Variants in CLASP2 observed in about 807,000 individuals in gnomAD.
CLASP2 encodes cytoplasmic linker associated protein 2.
In CLASP2, 47 loss-of-function variants were observed where a neutral mutation model predicts 194.4. The observed-to-expected ratio is 0.24, with a 90% CI of 0.19 to 0.31. The LOEUF (loss-of-function observed/expected upper bound fraction) is 0.31. CLASP2 is among the 10% of genes least tolerant of loss of function. CLASP2 has a pLI of 1.00. For missense variants in CLASP2, 1,445 were observed against 1,823.6 expected (o/e 0.79, Z 3.78); for synonymous variants, 619 against 633.5 (o/e 0.98, Z 0.34).
At chr3:33,637,179 G>A (rs950103422) in intron 8 of CLASP2, among the ~76,000 whole-genome samples, 3 of 152,206 alleles carry the variant, frequency 2.0e-5, no homozygotes, top group Non-Finnish European at 1.5e-5. Context: ...AACTGGCCTA[G>A]ACTCCAAAAA....
At chr3:33,704,298 A>C (rs972413560) in intron 1 of CLASP2, among the ~76,000 whole-genome samples, 6 of 152,316 alleles carry the variant, frequency 3.9e-5, no homozygotes, top group Admixed American at 3.9e-4. Context: ...GGATGCTGAC[A>C]GTGGAGGAGG....
chr3:33,516,124 C>G lies in CLASP2; in HGVS notation c.4009G>C (p.Val1337Leu), dbSNP rs1274073871. Residue 1337 changes from valine to leucine, a missense_variant, in exon 36 of 39, where the codon GTT becomes CTT. Physicochemically the swap from Val to Leu is conservative, Grantham distance 32. Transcript: ENST00000682230. ...EPTIRALALK[V>L]LREILRHQPA... ...TGATGCCTTAGGATTTCTCTTAAAACCTTTAATGCCAAAGCCCTGATTGTA... is the reference window on the plus strand; with the variant it reads ...TGATGCCTTAGGATTTCTCTTAAAAGCTTTAATGCCAAAGCCCTGATTGTA... 1.2e-6 allele frequency: 2 copies of G among 1,608,698 alleles called. No individual in the cohort carries two copies. The highest frequency in any genetic ancestry group is 1.3e-5 in the African/African-American group (1 of 74,968).
intron 1 of CLASP2, among the ~76,000 whole-genome samples, chr3:33,703,473 G>A (rs911660879): frequency 3.3e-5 from 5 of 152,232 alleles, no homozygotes; most frequent in African/African-American, 1.2e-4. Flanking sequence ...AAGGTAGGGA[G>A]AGAGAGGAAC....
At chr3:33,662,544 A>G (rs551239200) in intron 7 of CLASP2, among the ~76,000 whole-genome samples, 5 of 152,302 alleles carry the variant, frequency 3.3e-5, no homozygotes, top group Non-Finnish European at 7.4e-5. Context: ...CAATCTTTCT[A>G]ACACTCACTT....
At chr3:33,523,524 A>C (rs972282549) in intron 34 of CLASP2, among the ~76,000 whole-genome samples, 7 of 152,204 alleles carry the variant, frequency 4.6e-5, no homozygotes, top group African/African-American at 1.4e-4. Flanking sequence ...TCAAAGTGCT[A>C]AAAGAAAAAA....
At chr3:33,593,369 G>C (rs1318804825) in intron 20 of CLASP2, among the ~76,000 whole-genome samples, 1 of 152,182 alleles carries the variant, frequency 6.6e-6, no homozygotes, top group African/African-American at 2.4e-5. Context: ...CATTCAAAAA[G>C]AAGGGCTCAG....
At chr3:33,661,347 C>G (rs2085272972) in intron 7 of CLASP2, among the ~76,000 whole-genome samples, 1 of 152,104 alleles carries the variant, frequency 6.6e-6, no homozygotes, top group Non-Finnish European at 1.5e-5. Context: ...TTAAGAAGAT[C>G]CCTATGATTT....
At chr3:33,683,073 C>T (rs1158999871) in intron 6 of CLASP2, 1 of 152,140 alleles carries the variant, frequency 6.6e-6, no homozygotes, top group East Asian at 1.9e-4. Flanking sequence ...TGGTACCTTT[C>T]AACAGTACAT....
rs953890317 is a variant in CLASP2, at chr3:33,627,557, G to A, written c.943-477C>T. Among the ~76,000 whole-genome samples, 14 of 152,046 alleles carry A rather than the reference G, an allele frequency of 9.2e-5. 1 individual carries two copies. The highest frequency in any genetic ancestry group is 9.2e-4 in the Admixed American group (14 of 15,234). On this transcript the variant is annotated intron_variant, in intron 9 of 38. Coordinates refer to ENST00000682230, the MANE Select transcript of CLASP2 (RefSeq NM_001365631.1). ...GGAGCCAACCCTTTGTCAAACTGCTGTTCACCATTATTCTTTCATTCATTT... is the reference window on the plus strand; with the variant it reads ...GGAGCCAACCCTTTGTCAAACTGCTATTCACCATTATTCTTTCATTCATTT...
intron 6 of CLASP2, among the ~76,000 whole-genome samples, chr3:33,674,759 C>T (rs553484957): frequency 1.2e-3 from 181 of 152,176 alleles, no homozygotes; most frequent in African/African-American, 4.1e-3. Flanking sequence ...GGGGATATCA[C>T]CACCGATCCC....
At chr3:33,516,276 C>T (rs564712437) in intron 35 of CLASP2, 125 bp from the exon 36 acceptor site, 15 of 694,514 alleles carry the variant, frequency 2.2e-5, no homozygotes, top group East Asian at 9.1e-5. Flanking sequence ...ATAAAGTATG[C>T]GGTATACTAT....
chr3:33,642,154 C>A (rs924955624), intron 8 of CLASP2, among the ~76,000 whole-genome samples: 2 of 151,822 alleles, frequency 1.3e-5, no homozygotes, highest in African/African-American at 4.8e-5. Context: ...CTTTGCCAAA[C>A]TGAAAGAACA....
Position 33,663,480 on chromosome 3 carries a change from T to C in CLASP2, c.680A>G (p.Gln227Arg), listed in dbSNP as rs991739615. Residue 227 changes from glutamine (Q) to arginine (R), a missense_variant, in exon 7 of 39, where the codon CAA (glutamine) becomes CGA (arginine). Transcript: ENST00000682230. ...EMIFAKFDEV[Q>R]SSGGMILSVC... ...ACTCAAAATCATACCGCCTGAACTT[T>C]GCACTTCATCAAATTTGGCAAATAT... 2 of 1,612,598 alleles carry C rather than the reference T, an allele frequency of 1.2e-6. No individual in the cohort carries two copies. The highest frequency in any genetic ancestry group is 2.7e-5 in the African/African-American group (2 of 74,916).
intron 6 of CLASP2, among the ~76,000 whole-genome samples, chr3:33,676,054 G>T (rs1351764706): frequency 1.3e-5 from 2 of 151,948 alleles, no homozygotes; most frequent in African/African-American, 4.8e-5. Flanking sequence ...AGCTACCAAT[G>T]ACTTTCTTCA....
intron 12 of CLASP2, among the ~76,000 whole-genome samples, chr3:33,612,620 C>A (rs2075390683): frequency 6.6e-6 from 1 of 152,126 alleles, no homozygotes; most frequent in Non-Finnish European, 1.5e-5. Flanking sequence ...TTATGCCCTT[C>A]TTTAGTGAAG....
At chr3:33,623,246 C>G (rs2077407720) in intron 10 of CLASP2, among the ~76,000 whole-genome samples, 1 of 152,184 alleles carries the variant, frequency 6.6e-6, no homozygotes. Context: ...CCTCAAACAT[C>G]AATCAGTTCT....
At chr3:33,702,402 T>C (rs1167871153) in intron 1 of CLASP2, among the ~76,000 whole-genome samples, 1 of 152,072 alleles carries the variant, frequency 6.6e-6, no homozygotes, top group African/African-American at 2.4e-5. Context: ...CAACATATGG[T>C]ACTAGGACAA....
At chr3:33,569,085 G>C (rs1407315153) in intron 26 of CLASP2, among the ~76,000 whole-genome samples, 1 of 152,024 alleles carries the variant, frequency 6.6e-6, no homozygotes, top group Non-Finnish European at 1.5e-5. Flanking sequence ...AAACAAGATG[G>C]GTAGATAAGA....
chr3:33,627,411 C>T (rs1348858998), intron 9 of CLASP2, among the ~76,000 whole-genome samples: 2 of 152,100 alleles, frequency 1.3e-5, no homozygotes, highest in African/African-American at 4.8e-5. Context: ...TATAACCTAT[C>T]TTATTGCATT....
Sources: gnomAD v4.1 joint callset for allele counts (sites outside exome capture counted in the v4.1 genomes callset) on GRCh38, gnomAD v4.1.1 for gene constraint, MANE v1.5 for transcripts, NCBI Gene and HGNC (gene_info 2026-07-23, HGNC 2026-07-21) for gene names.